The following PLEKHG7 variants were observed in gnomAD, a reference collection of about 807,000 sequenced individuals.
PLEKHG7 encodes the protein pleckstrin homology domain-containing family G member 7.
In PLEKHG7, 77 loss-of-function variants were observed where a neutral mutation model predicts 85.2. The ratio of observed to expected loss-of-function variants is 0.90; its 90% CI spans 0.75 to 1.09. The LOEUF (loss-of-function observed/expected upper bound fraction) is 1.09, where lower values mean the gene tolerates loss of function less well. PLEKHG7 is among the 50% of genes least tolerant of loss of function. The pLI is 0.00. For missense variants in PLEKHG7, 777 were observed against 804.3 expected (o/e 0.97, Z 0.41); for synonymous variants, 301 against 302.4 (o/e 1.00, Z 0.05).
intron 15 of PLEKHG7, among the ~76,000 whole-genome samples, chr12:92,766,090 C>A (rs1278077908): frequency 6.6e-6 from 1 of 152,224 alleles, no homozygotes; most frequent in Non-Finnish European, 1.5e-5. Context: ...AAAACCTTTG[C>A]TTGGTGAGTG....
rs1275734567 is a variant in PLEKHG7, at chr12:92,742,673, C to T, written c.1137+1081C>T. On this transcript the variant is annotated intron_variant, in intron 9 of 16. Transcript: ENST00000344636. ...CGACTTCAGCTCACTGCAACCTCCA[C>T]CTCCCAGGTTCAAGAGATTCTCATG... is the stretch of plus-strand genomic sequence containing the variant. 3.3e-5 allele frequency among the ~76,000 whole-genome samples: 5 copies of T among 151,458 alleles called. No individual in the cohort carries two copies. In the East Asian group the frequency reaches 9.7e-4, roughly 29 times the overall value.
At chr12:92,745,434 C>A in intron 9 of PLEKHG7, 44 bp from the exon 10 acceptor site, 2 of 1,329,012 alleles carry the variant, frequency 1.5e-6, no homozygotes, top group South Asian at 1.2e-5. Flanking sequence ...TCAATGCTCT[C>A]CTTAACTTGT....
At chr12:92,767,308 A>G (rs772220783) in intron 15 of PLEKHG7, among the ~76,000 whole-genome samples, 88 of 152,234 alleles carry the variant, frequency 5.8e-4, no homozygotes, top group Non-Finnish European at 6.5e-4. Flanking sequence ...CCTTTTATTT[A>G]TAAAGTCCCT....
At chr12:92,762,611 G>A (rs1191811130) in intron 14 of PLEKHG7, among the ~76,000 whole-genome samples, 1 of 152,168 alleles carries the variant, frequency 6.6e-6, no homozygotes, top group Non-Finnish European at 1.5e-5. Context: ...CCTGAATGGT[G>A]TGTTTGAGTG....
chr12:92,707,361 CCTTAGAGGCA>C (rs1169286846), intron 2 of PLEKHG7: 1 of 1,429,488 alleles, frequency 7.0e-7, no homozygotes, highest in Non-Finnish European at 9.1e-7. Context: ...TTTCTTCTGT[CCTTAGAGGCA>C]CTTTGAGAAA....
chr12:92,746,417 G>A (rs1872534753), intron 10 of PLEKHG7, among the ~76,000 whole-genome samples: 1 of 152,250 alleles, frequency 6.6e-6, no homozygotes, highest in Admixed American at 6.5e-5. Flanking sequence ...ATGCCAGGAA[G>A]CCTGGGTGTG....
At position 92,771,883 on chromosome 12, in the gene PLEKHG7, T is replaced by G. The variant is rs1873443772; in HGVS notation, c.*1688T>G. On this transcript the variant is annotated 3_prime_UTR_variant, in exon 17 of 17. Transcript: ENST00000344636. ...AAAGGGAGAGACAGACTGACTAAAT[T>G]AACAAAATATATAAAACAGCTCAAG... is the stretch of plus-strand genomic sequence containing the variant. 1 of 151,886 alleles carries G rather than the reference T, an allele frequency of 6.6e-6. No homozygotes were observed. Among genetic ancestry groups the G allele is most frequent in the African/African-American group, 2.4e-5 (1 of 41,400 alleles). 9.4% of individuals were successfully genotyped at this position (151,886 alleles called of 1,614,324 possible).
intron 15 of PLEKHG7, among the ~76,000 whole-genome samples, chr12:92,767,920 T>C (rs1873256426): frequency 6.6e-6 from 1 of 152,118 alleles, no homozygotes; most frequent in Admixed American, 6.5e-5. Flanking sequence ...AGAAAGAATG[T>C]ATAGGGCGGG....
chr12:92,721,702 C>CAAAAAAAAAAAAAAAAAAA (rs71069170), intron 3 of PLEKHG7, among the ~76,000 whole-genome samples: 1 of 43,372 alleles, frequency 2.3e-5, no homozygotes, highest in Non-Finnish European at 4.4e-5. Flanking sequence ...AGCATAAAAC[C>CAAAAAAAAAAAAAAAAAAA]AAAAAAAAAA....
intron 7 of PLEKHG7, 40 bp from the exon 8 acceptor site, chr12:92,740,813 A>G: frequency 7.0e-7 from 1 of 1,422,228 alleles, no homozygotes; most frequent in Non-Finnish European, 9.7e-7. Flanking sequence ...TGCAAAATTA[A>G]AAAACAGAAA....
Position 92,755,811 on chromosome 12 carries a change from G to A in PLEKHG7, c.1427-14G>A, listed in dbSNP as rs766202913. On this transcript the variant is annotated splice_polypyrimidine_tract_variant and intron_variant, in intron 11 of 16. Coordinates refer to ENST00000344636, the MANE Select transcript of PLEKHG7 (RefSeq NM_001377329.1). ...ATGCACCTAAAAATATACTGACTAT[G>A]TCATGTCTTTCAGGGGACCTTGAAG... The A allele has an allele frequency of 1.3e-6, 2 of 1,538,082 alleles. No individual in the cohort carries two copies. Among genetic ancestry groups the A allele is most frequent in the African/African-American group, 1.4e-5 (1 of 73,110 alleles).
chr12:92,707,053 A>G lies in PLEKHG7; in HGVS notation c.422A>G (p.Asn141Ser), dbSNP rs769326333. 26 of 1,613,932 alleles carry G rather than the reference A, an allele frequency of 1.6e-5. No homozygotes were observed. Among genetic ancestry groups the G allele is most frequent in the East Asian group, 2.2e-5 (1 of 44,876 alleles). ...CTCCCTCCTGAGCTTCAGCCTGTCA[A>G]TGAAGGGTCCCTTCACCAGGCCTCT... ...KYLPPELQPV[N>S]EGSLHQASLR... The change falls in exon 2 of 17, where the codon AAT (asparagine) becomes AGT (serine). Residue 141 changes from asparagine to serine, a missense_variant. This residue lies in a region of PLEKHG7 where 252 missense variants were observed against 241.9 expected (regional missense o/e 1.04). Transcript: ENST00000344636.
intron 10 of PLEKHG7, among the ~76,000 whole-genome samples, chr12:92,749,944 T>C (rs1174118008): frequency 5.4e-5 from 2 of 36,756 alleles, no homozygotes; most frequent in African/African-American, 1.1e-4. Context: ...TATTTTATAT[T>C]TTATTTTATT....
At position 92,754,629 on chromosome 12, in the gene PLEKHG7, G is replaced by C. The variant is rs149677164; in HGVS notation, c.1426+365G>C. 5.7e-3 allele frequency among the ~76,000 whole-genome samples: 866 copies of C among 152,308 alleles called. 9 individuals are homozygous for C. The highest frequency in any genetic ancestry group is 0.019 in the African/African-American group (799 of 41,568). On this transcript the variant is annotated intron_variant, in intron 11 of 16. Coordinates refer to ENST00000344636, the MANE Select transcript of PLEKHG7 (RefSeq NM_001377329.1). Reference sequence around the variant, plus strand: ...CAAATGGGAGTAAACACCATGGAAAGTGTGTCCAGAGGATAAATTACCATT... The same window carrying C: ...CAAATGGGAGTAAACACCATGGAAACTGTGTCCAGAGGATAAATTACCATT...
At chr12:92,709,111 T>C (rs1871320401) in intron 3 of PLEKHG7, among the ~76,000 whole-genome samples, 1 of 152,200 alleles carries the variant, frequency 6.6e-6, no homozygotes, top group African/African-American at 2.4e-5. Context: ...ATTGATATGA[T>C]CAGATGGATG....
chr12:92,725,823 A>G (rs1317827333), intron 3 of PLEKHG7, among the ~76,000 whole-genome samples: 1 of 152,186 alleles, frequency 6.6e-6, no homozygotes, highest in Non-Finnish European at 1.5e-5. Flanking sequence ...CTCAAAACCT[A>G]AAAGTAGGAA....
In PLEKHG7 at chr12:92,740,828, T is replaced by G. The variant is rs760068378; in HGVS notation, c.940-25T>G. The G allele has an allele frequency of 4.1e-6, 6 of 1,470,384 alleles. No individual in the cohort carries two copies. In the East Asian group the frequency reaches 1.4e-4, roughly 34 times the overall value. 91.1% of individuals were successfully genotyped at this position (1,470,384 alleles called of 1,614,324 possible). A position where few individuals can be genotyped will look rare whatever the true frequency, so the allele number is the denominator to read the frequency against. On this transcript the variant is annotated intron_variant, in intron 7 of 16. Coordinates refer to ENST00000344636, the MANE Select transcript of PLEKHG7 (RefSeq NM_001377329.1). ...TGCAAAATTAAAAAACAGAAATTAA[T>G]GTGTATATATTTTTTATTTCAAAGA...
intron 4 of PLEKHG7, among the ~76,000 whole-genome samples, chr12:92,732,024 C>T (rs1357776286): frequency 1.3e-5 from 2 of 152,276 alleles, no homozygotes; most frequent in Admixed American, 1.3e-4. Context: ...AGCAACAGAA[C>T]ACCAACTTTT....
At position 92,770,431 on chromosome 12, in the gene PLEKHG7, C is replaced by G. The variant is rs1310552619; in HGVS notation, c.*236C>G. The stretch of plus-strand genomic sequence containing the variant: ...TATATACTGACATCCAGATTACCTT[C>G]TAATGCTTCCGTCAGGTTTGTAAGA... On this transcript the variant is annotated 3_prime_UTR_variant, in exon 17 of 17. Coordinates refer to ENST00000344636, the MANE Select transcript of PLEKHG7 (RefSeq NM_001377329.1). 2.4e-6 allele frequency: 1 copy of G among 418,738 alleles called. No homozygotes were observed. Among genetic ancestry groups the G allele is most frequent in the Non-Finnish European group, 4.2e-6 (1 of 237,274 alleles). 25.9% of individuals were successfully genotyped at this position (418,738 alleles called of 1,614,324 possible). A position where few individuals can be genotyped will look rare whatever the true frequency, so the allele number is the denominator to read the frequency against.
Sources: gnomAD v4.1 joint callset for allele counts (sites outside exome capture counted in the v4.1 genomes callset) on GRCh38, gnomAD v4.1.1 for gene constraint, gnomAD v4.1.1 regional missense constraint, MANE v1.5 for transcripts, NCBI Gene and HGNC (gene_info 2026-07-23, HGNC 2026-07-21) for gene names.